The following NAV2 variants were observed in gnomAD, a reference collection of about 807,000 sequenced individuals.
NAV2 encodes helicase, APC down-regulated 1.
Under a neutral mutation model 223.2 loss-of-function variants are expected in NAV2, and 54 were observed. The observed-to-expected ratio is 0.24, with a 90% CI of 0.19 to 0.30. NAV2 has a LOEUF of 0.30. Among genes scored for constraint, NAV2 ranks in the 10% least tolerant of loss-of-function variants. The pLI, the probability that NAV2 is intolerant of heterozygous loss-of-function variation, is 1.00. For synonymous variants in NAV2, 1,279 were observed against 1,239.3 expected (o/e 1.03, Z -0.67); for missense variants, 2,806 against 3,147.5 (o/e 0.89, Z 2.60).
rs191804762 is a variant in NAV2, at chr11:19,981,945, T to A, written c.2646-2180T>A. 1.6e-3 allele frequency among the ~76,000 whole-genome samples: 237 copies of A among 152,192 alleles called. 5 individuals are homozygous for A. Among genetic ancestry groups the A allele is most frequent in the Admixed American group, 9.4e-3 (143 of 15,286 alleles). On this transcript the variant is annotated intron_variant, in intron 10 of 37. Coordinates refer to ENST00000349880, the MANE Select transcript of NAV2 (RefSeq NM_145117.5). ...GTAATCAGTGTTCTTGCAAAAAAAA[T>A]TTGCACAGCCCTATGGCTGTGTCTT... is the stretch of plus-strand genomic sequence containing the variant.
At chr11:19,532,578 A>G (rs1433503867) in intron 1 of NAV2, among the ~76,000 whole-genome samples, 2 of 152,168 alleles carry the variant, frequency 1.3e-5, no homozygotes, top group African/African-American at 2.4e-5. Flanking sequence ...ATAAACGGCC[A>G]TGTATTATGA....
At position 20,056,496 on chromosome 11, in the gene NAV2, G is replaced by C. The variant is rs369877514; in HGVS notation, c.4831+539G>C. 3.6e-6 allele frequency: 5 copies of C among 1,392,188 alleles called. No individual in the cohort carries two copies. In the African/African-American group the frequency reaches 5.7e-5, roughly 16 times the overall value. The allele number at this position is 1,392,188 out of a possible 1,614,324, so 86.2% of individuals were successfully genotyped here. A position where few individuals can be genotyped will look rare whatever the true frequency, so the allele number is the denominator to read the frequency against. ...TTGGTTGCTAACTGAGAATATTTGG[G>C]GTTGGATTTTTATGTTTGGTTCATT... On this transcript the variant is annotated intron_variant, in intron 19 of 37. Coordinates refer to ENST00000349880, the MANE Select transcript of NAV2 (RefSeq NM_145117.5).
intron 1 of NAV2, among the ~76,000 whole-genome samples, chr11:19,823,574 C>T (rs894899788): frequency 1.3e-5 from 2 of 152,150 alleles, no homozygotes; most frequent in Non-Finnish European, 2.9e-5. Context: ...CTCCTGGGCT[C>T]AAGCAATCTG....
At chr11:19,956,926 G>A (rs2047933874) in intron 10 of NAV2, among the ~76,000 whole-genome samples, 1 of 152,122 alleles carries the variant, frequency 6.6e-6, no homozygotes, top group East Asian at 1.9e-4. Flanking sequence ...TATCCTCCAA[G>A]AGTCACCTCA....
intron 11 of NAV2, among the ~76,000 whole-genome samples, chr11:20,026,968 A>G (rs1353785818): frequency 6.6e-6 from 1 of 152,238 alleles, no homozygotes; most frequent in Non-Finnish European, 1.5e-5. Flanking sequence ...TTGGAGGATT[A>G]ACTGAAATAA....
intron 22 of NAV2, among the ~76,000 whole-genome samples, chr11:20,073,818 C>A (rs1270994291): frequency 6.6e-6 from 1 of 152,018 alleles, no homozygotes; most frequent in African/African-American, 2.4e-5. Context: ...TTATTTGATT[C>A]TTTTCTCTTT....
intron 1 of NAV2, among the ~76,000 whole-genome samples, chr11:19,569,183 A>G (rs770728022): frequency 1.4e-4 from 21 of 152,244 alleles, no homozygotes; most frequent in Non-Finnish European, 2.1e-4. Context: ...TAGCAAATAC[A>G]CCTGCAAGAT....
chr11:19,420,437 A>T (rs1447605491), intron 1 of NAV2, among the ~76,000 whole-genome samples: 2 of 152,222 alleles, frequency 1.3e-5, no homozygotes, highest in African/African-American at 4.8e-5. Flanking sequence ...GTACACACCC[A>T]AAAGAAATGA....
intron 10 of NAV2, among the ~76,000 whole-genome samples, chr11:19,951,288 C>T (rs2047377561): frequency 6.6e-6 from 1 of 152,090 alleles, no homozygotes; most frequent in Non-Finnish European, 1.5e-5. Flanking sequence ...CTGAGCTGCC[C>T]AACACCTTAC....
intron 31 of NAV2, among the ~76,000 whole-genome samples, chr11:20,098,270 A>G (rs1276090253): frequency 6.6e-6 from 1 of 152,124 alleles, no homozygotes; most frequent in Non-Finnish European, 1.5e-5. Flanking sequence ...TCACTGAGGA[A>G]AAAAAAAGCT....
At chr11:19,778,432 A>G (rs1014366199) in intron 1 of NAV2, 20 of 452,018 alleles carry the variant, frequency 4.4e-5, no homozygotes, top group Non-Finnish European at 8.4e-5. Flanking sequence ...TTCAGTAAGA[A>G]ATAGGTATGA....
At chr11:20,091,906 T>A (rs2060876492) in intron 27 of NAV2, among the ~76,000 whole-genome samples, 1 of 152,028 alleles carries the variant, frequency 6.6e-6, no homozygotes, top group Non-Finnish European at 1.5e-5. Flanking sequence ...AAAGCCAGAG[T>A]TGCACAAACC....
intron 19 of NAV2, 21 bp downstream of exon 19, chr11:20,055,978 G>A: frequency 6.2e-7 from 1 of 1,603,278 alleles, no homozygotes; most frequent in South Asian, 1.1e-5. Context: ...AAAGGAAGAA[G>A]GTAAGGAAGG....
chr11:19,452,454 A>T (rs1245062498), intron 1 of NAV2, among the ~76,000 whole-genome samples: 1 of 152,038 alleles, frequency 6.6e-6, no homozygotes, highest in Admixed American at 6.6e-5. Context: ...TCTAGCCACC[A>T]TCCTCTTCCA....
At chr11:19,560,946 A>T (rs192974052) in intron 1 of NAV2, among the ~76,000 whole-genome samples, 1 of 152,228 alleles carries the variant, frequency 6.6e-6, no homozygotes, top group East Asian at 1.9e-4. Flanking sequence ...CTCTTCCAAG[A>T]GTTTTAAGTG....
chr11:19,740,573 A>C (rs1296590570), intron 1 of NAV2, among the ~76,000 whole-genome samples: 3 of 152,188 alleles, frequency 2.0e-5, no homozygotes, highest in Admixed American at 1.3e-4. Flanking sequence ...CTAAAAAAAA[A>C]TAAAAATAAA....
At chr11:20,088,849 T>G (rs2060629370) in intron 26 of NAV2, among the ~76,000 whole-genome samples, 1 of 152,086 alleles carries the variant, frequency 6.6e-6, no homozygotes, top group African/African-American at 2.4e-5. Flanking sequence ...GCAGTGAATC[T>G]GAGCCTTCAA....
intron 1 of NAV2, among the ~76,000 whole-genome samples, chr11:19,719,564 A>G (rs1317376373): frequency 1.3e-5 from 2 of 152,206 alleles, no homozygotes; most frequent in Admixed American, 6.5e-5. Flanking sequence ...ATACTAAGCT[A>G]GGAATATATA....
intron 1 of NAV2, among the ~76,000 whole-genome samples, chr11:19,400,350 C>T (rs558214556): frequency 7.2e-5 from 11 of 152,270 alleles, no homozygotes; most frequent in South Asian, 2.1e-4. Context: ...TTGCCAATTC[C>T]GAAGGTCCTA....
Sources: gnomAD v4.1 joint callset for allele counts (sites outside exome capture counted in the v4.1 genomes callset) on GRCh38, gnomAD v4.1.1 for gene constraint, MANE v1.5 for transcripts, NCBI Gene and HGNC (gene_info 2026-07-23, HGNC 2026-07-21) for gene names.